Variants in ZMYM2 observed in about 807,000 individuals in gnomAD.
ZMYM2 encodes zinc finger MYM-type protein 2.
In ZMYM2, 56 loss-of-function variants were observed where a neutral mutation model predicts 162.8. That is an observed-to-expected ratio of 0.34 (90% CI 0.28 to 0.43). ZMYM2 has a LOEUF of 0.43. ZMYM2 is among the 20% of genes least tolerant of loss of function. The pLI, the probability that ZMYM2 is intolerant of heterozygous loss-of-function variation, is 1.00. For synonymous variants in ZMYM2, 510 were observed against 541.6 expected (o/e 0.94, Z 0.81); for missense variants, 1,275 against 1,621.8 (o/e 0.79, Z 3.67).
the ZMYM2 span, among the ~76,000 whole-genome samples, chr13:19,885,635 T>G: frequency 6.6e-6 from 1 of 151,528 alleles, no homozygotes; most frequent in Non-Finnish European, 1.5e-5. Flanking sequence ...AGGTCAGGAG[T>G]TCGAAAGAGT....
intron 12 of ZMYM2, among the ~76,000 whole-genome samples, chr13:20,040,236 AG>A (rs2140413743): frequency 6.6e-6 from 1 of 152,140 alleles, no homozygotes; most frequent in Admixed American, 6.5e-5. Flanking sequence ...TTTGGTTGGT[AG>A]GGTATTTATT....
intron 12 of ZMYM2, among the ~76,000 whole-genome samples, chr13:20,049,936 G>C (rs539220472): frequency 3.6e-4 from 54 of 152,052 alleles, no homozygotes; most frequent in African/African-American, 1.3e-3. Flanking sequence ...AAGGGAAAAA[G>C]AAACTGAAAG....
At chr13:19,877,931 T>C in the ZMYM2 span, among the ~76,000 whole-genome samples, 14,740 of 152,260 alleles carry the variant, frequency 0.097, 1,041 homozygotes, top group Non-Finnish European at 0.15. Flanking sequence ...CTGGATTATA[T>C]AGTAATTACA....
At chr13:19,969,523 T>A (rs148706670) in intron 2 of ZMYM2, among the ~76,000 whole-genome samples, 1 of 152,196 alleles carries the variant, frequency 6.6e-6, no homozygotes, top group African/African-American at 2.4e-5. Context: ...TTTTTCATAA[T>A]TGGTAGTTAT....
intron 11 of ZMYM2, 48 bp downstream of exon 11, chr13:20,034,452 G>GT (rs1953493844): frequency 2.1e-6 from 3 of 1,398,458 alleles, no homozygotes; most frequent in Non-Finnish European, 2.8e-6. Flanking sequence ...GATATTTAAT[G>GT]TTTTTTGCCA....
chr13:20,053,636 G>A (rs1373028771), intron 14 of ZMYM2, among the ~76,000 whole-genome samples: 1 of 152,078 alleles, frequency 6.6e-6, no homozygotes, highest in African/African-American at 2.4e-5. Context: ...TGGGTAATAA[G>A]AGTGAAACTC....
chr13:19,887,312 C>T, the ZMYM2 span, among the ~76,000 whole-genome samples: 1 of 151,556 alleles, frequency 6.6e-6, no homozygotes, highest in Non-Finnish European at 1.5e-5. Flanking sequence ...GTGGATCACC[C>T]AAGGTCAGGA....
rs71070283 is a variant in ZMYM2, at chr13:19,985,533, G to GTT, written c.-10-7523_-10-7522dup. Among the ~76,000 whole-genome samples the GTT allele has an allele frequency of 2.8e-4, 43 of 151,610 alleles. 1 individual carries two copies. In the South Asian group the frequency reaches 4.8e-3, roughly 17 times the overall value. On this transcript the variant is annotated intron_variant, in intron 2 of 24. Transcript: ENST00000610343. ...TTTGGTTATTTTATTGAATGGTTGT[G>GTT]TTTTTTTTAAAAACAATAAGAGCTG... is the stretch of plus-strand genomic sequence containing the variant.
At chr13:20,012,649 GTTTA>G (rs1189903271) in intron 6 of ZMYM2, among the ~76,000 whole-genome samples, 1 of 152,044 alleles carries the variant, frequency 6.6e-6, no homozygotes, top group Non-Finnish European at 1.5e-5. Flanking sequence ...TTTACTTTTT[GTTTA>G]TTATGTGAGG....
At chr13:19,910,633 G>T in the ZMYM2 span, among the ~76,000 whole-genome samples, 10 of 150,644 alleles carry the variant, frequency 6.6e-5, no homozygotes, top group African/African-American at 2.4e-4. Context: ...GTGAACCACC[G>T]TGCCCAGCCT....
the ZMYM2 span, among the ~76,000 whole-genome samples, chr13:19,905,785 T>G: frequency 1.6e-4 from 24 of 152,242 alleles, no homozygotes; most frequent in African/African-American, 5.5e-4. Flanking sequence ...GGACTGTGAG[T>G]AACAAACTAT....
chr13:19,930,257 C>T, the ZMYM2 span, among the ~76,000 whole-genome samples: 1 of 151,904 alleles, frequency 6.6e-6, no homozygotes, highest in Non-Finnish European at 1.5e-5. Flanking sequence ...AAGAATTAGC[C>T]GGGCATGGTG....
chr13:19,908,157 G>A, the ZMYM2 span, among the ~76,000 whole-genome samples: 2 of 151,442 alleles, frequency 1.3e-5, no homozygotes, highest in Non-Finnish European at 2.9e-5. Flanking sequence ...GTATGGTGGT[G>A]CATGCCTGTA....
intron 2 of ZMYM2, among the ~76,000 whole-genome samples, chr13:19,986,732 A>T (rs1949176991): frequency 6.6e-6 from 1 of 152,174 alleles, no homozygotes. Flanking sequence ...AATGGTTATT[A>T]TGGACCAAAT....
chr13:19,989,577 G>A (rs1320495808), intron 2 of ZMYM2, among the ~76,000 whole-genome samples: 1 of 152,128 alleles, frequency 6.6e-6, no homozygotes, highest in Non-Finnish European at 1.5e-5. Context: ...GTCTACATGA[G>A]ATGTTCTGAT....
At chr13:19,980,523 A>G (rs1468173508) in intron 2 of ZMYM2, among the ~76,000 whole-genome samples, 1 of 152,002 alleles carries the variant, frequency 6.6e-6, no homozygotes, top group Non-Finnish European at 1.5e-5. Flanking sequence ...ACGCCAAGGC[A>G]GGCAGATCAC....
chr13:19,941,323 A>C, the ZMYM2 span, among the ~76,000 whole-genome samples: 1 of 100,876 alleles, frequency 9.9e-6, no homozygotes, highest in Non-Finnish European at 2.5e-5. Context: ...ACAAAAAAAC[A>C]AAAAAAAAAA....
At chr13:20,064,860 A>T (rs1323622594) in intron 19 of ZMYM2, among the ~76,000 whole-genome samples, 3 of 152,052 alleles carry the variant, frequency 2.0e-5, no homozygotes, top group African/African-American at 7.2e-5. Flanking sequence ...TGATACCTCA[A>T]CTAAACTTGT....
At chr13:19,975,181 A>G (rs1203602191) in intron 2 of ZMYM2, among the ~76,000 whole-genome samples, 5 of 151,812 alleles carry the variant, frequency 3.3e-5, no homozygotes, top group African/African-American at 1.2e-4. Flanking sequence ...TTTCTTAAAA[A>G]AAAAAAAAAA....
Sources: allele counts gnomAD v4.1 joint callset (sites outside exome capture counted in the v4.1 genomes callset), GRCh38; gene constraint gnomAD v4.1.1; transcripts MANE v1.5; gene names NCBI Gene and HGNC (gene_info 2026-07-23, HGNC 2026-07-21).